The following GSG1L variants were observed in gnomAD, a reference collection of about 807,000 sequenced individuals.
The protein encoded by GSG1L is germ cell-specific gene 1-like protein.
A neutral mutation model predicts 42.1 loss-of-function variants in GSG1L; 24 were observed. That is an observed-to-expected ratio of 0.57 (90% CI 0.41 to 0.80). The LOEUF (loss-of-function observed/expected upper bound fraction) is 0.80, where lower values mean the gene tolerates loss of function less well. Ranked by LOEUF, GSG1L falls within the 30% of genes least tolerant of loss-of-function variation. GSG1L has a pLI of 0.00. For missense variants in GSG1L, 445 were observed against 472.2 expected (o/e 0.94, Z 0.53); for synonymous variants, 215 against 203.5 (o/e 1.06, Z -0.48).
At chr16:27,860,731 G>A (rs2083638686) in intron 3 of GSG1L, among the ~76,000 whole-genome samples, 1 of 152,218 alleles carries the variant, frequency 6.6e-6, no homozygotes, top group Admixed American at 6.5e-5. Context: ...TCTGCAGGGA[G>A]GGGCTGGGAG....
chr16:27,904,178 T>A (rs1323062354), intron 2 of GSG1L, among the ~76,000 whole-genome samples: 1 of 152,086 alleles, frequency 6.6e-6, no homozygotes, highest in Non-Finnish European at 1.5e-5. Flanking sequence ...AGCAATCCTC[T>A]CCTACCTCAG....
intron 1 of GSG1L, among the ~76,000 whole-genome samples, chr16:27,973,844 G>T (rs2085222629): frequency 6.6e-6 from 1 of 152,178 alleles, no homozygotes; most frequent in African/African-American, 2.4e-5. Flanking sequence ...GGACAACTCA[G>T]TGGGCGGCAG....
intron 1 of GSG1L, among the ~76,000 whole-genome samples, chr16:28,049,809 C>T (rs1355881774): frequency 6.6e-6 from 1 of 152,198 alleles, no homozygotes; most frequent in Non-Finnish European, 1.5e-5. Flanking sequence ...CTCTTACAGT[C>T]GTTCAGGACT....
At chr16:27,839,852 G>A (rs1339910610) in intron 4 of GSG1L, among the ~76,000 whole-genome samples, 1 of 152,204 alleles carries the variant, frequency 6.6e-6, no homozygotes, top group African/African-American at 2.4e-5. Context: ...GCTGGGTTCA[G>A]CCCCGGCTGC....
chr16:27,803,789 A>C (rs62031086), intron 6 of GSG1L, among the ~76,000 whole-genome samples: 15,976 of 93,272 alleles, frequency 0.17, 1,289 homozygotes, highest in Non-Finnish European at 0.22. Context: ...ATATATATAT[A>C]TATATAGATA....
chr16:27,877,722 C>A (rs1159652617), intron 3 of GSG1L, among the ~76,000 whole-genome samples: 1 of 152,204 alleles, frequency 6.6e-6, no homozygotes, highest in African/African-American at 2.4e-5. Flanking sequence ...AGCCCCTGGG[C>A]CCCAGCCTTG....
At chr16:27,852,652 C>A (rs894659531) in intron 3 of GSG1L, among the ~76,000 whole-genome samples, 1 of 152,148 alleles carries the variant, frequency 6.6e-6, no homozygotes. Flanking sequence ...GTGAGAGATG[C>A]TGCTGCAGGG....
intron 1 of GSG1L, among the ~76,000 whole-genome samples, chr16:27,979,784 AAAAG>A (rs1596671338): frequency 1.4e-5 from 2 of 139,156 alleles, no homozygotes; most frequent in South Asian, 2.4e-4. Context: ...GAAAGAAAGA[AAAAG>A]AAAGAAAGGA....
intron 1 of GSG1L, among the ~76,000 whole-genome samples, chr16:28,028,319 T>C (rs548330709): frequency 2.6e-5 from 4 of 152,138 alleles, no homozygotes; most frequent in Non-Finnish European, 5.9e-5. Context: ...TGACTATTTT[T>C]ATTATTTTCA....
At chr16:27,909,765 C>T (rs1235340238) in intron 2 of GSG1L, among the ~76,000 whole-genome samples, 2 of 151,234 alleles carry the variant, frequency 1.3e-5, no homozygotes, top group Non-Finnish European at 1.5e-5. Flanking sequence ...CCTCAGCCTC[C>T]CAAGTAGCTG....
intron 3 of GSG1L, among the ~76,000 whole-genome samples, chr16:27,881,881 C>T (rs1180961106): frequency 6.6e-6 from 1 of 152,102 alleles, no homozygotes; most frequent in Non-Finnish European, 1.5e-5. Flanking sequence ...TCCCTGCCCT[C>T]ACCCATTCTC....
intron 2 of GSG1L, among the ~76,000 whole-genome samples, chr16:27,899,962 C>A (rs1356542714): frequency 6.6e-6 from 1 of 152,228 alleles, no homozygotes; most frequent in African/African-American, 2.4e-5. Context: ...CAAGACCAGG[C>A]AGGCTTCAGC....
intron 2 of GSG1L, among the ~76,000 whole-genome samples, chr16:27,927,603 C>T (rs887110724): frequency 6.6e-6 from 1 of 152,134 alleles, no homozygotes; most frequent in African/African-American, 2.4e-5. Flanking sequence ...TTGTACATGC[C>T]AATCCCTGAT....
chr16:27,915,597 C>T (rs956166427), intron 2 of GSG1L, among the ~76,000 whole-genome samples: 3 of 152,080 alleles, frequency 2.0e-5, no homozygotes, highest in African/African-American at 2.4e-5. Context: ...GACATAGCTA[C>T]GAATGAAACC....
chr16:27,808,355 G>A (rs545194411), intron 5 of GSG1L, among the ~76,000 whole-genome samples: 1 of 151,964 alleles, frequency 6.6e-6, no homozygotes, highest in Non-Finnish European at 1.5e-5. Context: ...CCAAAACTCT[G>A]GGATTATAGG....
intron 5 of GSG1L, among the ~76,000 whole-genome samples, chr16:27,826,767 T>C (rs1291544368): frequency 1.3e-5 from 2 of 152,166 alleles, no homozygotes; most frequent in African/African-American, 4.8e-5. Flanking sequence ...GCCCCACGTG[T>C]TGGGCAAAGC....
At chr16:28,025,124 T>A (rs1273146500) in intron 1 of GSG1L, among the ~76,000 whole-genome samples, 1 of 152,144 alleles carries the variant, frequency 6.6e-6, no homozygotes, top group Non-Finnish European at 1.5e-5. Flanking sequence ...GAGGGATGCA[T>A]CATGGCTCAG....
intron 1 of GSG1L, among the ~76,000 whole-genome samples, chr16:28,010,924 C>A (rs549550811): frequency 6.6e-6 from 1 of 152,268 alleles, no homozygotes; most frequent in Admixed American, 6.5e-5. Flanking sequence ...CCTGTGCCAG[C>A]CTCAGCCTTT....
At chr16:28,023,427 C>CT (rs1269817358) in intron 1 of GSG1L, among the ~76,000 whole-genome samples, 2 of 152,210 alleles carry the variant, frequency 1.3e-5, no homozygotes, top group Non-Finnish European at 2.9e-5. Context: ...CTGCAATGAA[C>CT]ATTCTTGTGC....
Sources: allele counts gnomAD v4.1 joint callset (sites outside exome capture counted in the v4.1 genomes callset), GRCh38; gene constraint gnomAD v4.1.1; transcripts MANE v1.5; gene names NCBI Gene and HGNC (gene_info 2026-07-23, HGNC 2026-07-21).